The following ADCY2 variants were observed in gnomAD, a reference collection of about 807,000 sequenced individuals.
The protein encoded by ADCY2 is adenylate cyclase 2.
Under a neutral mutation model 125.2 loss-of-function variants are expected in ADCY2, and 31 were observed. That is an observed-to-expected ratio of 0.25 (90% confidence interval 0.19 to 0.33). ADCY2 has a LOEUF of 0.33. ADCY2 is among the 10% of genes least tolerant of loss of function. The pLI is 1.00. For synonymous variants in ADCY2, 512 were observed against 548.4 expected (o/e 0.93, Z 0.93); for missense variants, 904 against 1,418.2 (o/e 0.64, Z 5.82).
At chr5:7,445,152 C>CT (rs1277806622) in intron 2 of ADCY2, among the ~76,000 whole-genome samples, 1 of 152,182 alleles carries the variant, frequency 6.6e-6, no homozygotes, top group African/African-American at 2.4e-5. Context: ...TTTAGGAAGT[C>CT]TGTTTCCCCT....
intron 3 of ADCY2, among the ~76,000 whole-genome samples, chr5:7,556,821 T>C (rs1735521646): frequency 6.6e-6 from 1 of 152,016 alleles, no homozygotes; most frequent in Non-Finnish European, 1.5e-5. Flanking sequence ...CTTGTGATAA[T>C]CCAATACCTG....
intron 5 of ADCY2, among the ~76,000 whole-genome samples, chr5:7,693,406 GTTTTTTGTTTTTTTT>G (rs1279936920): frequency 3.4e-5 from 2 of 58,658 alleles, no homozygotes; most frequent in Non-Finnish European, 7.2e-5. Context: ...ATTGCCTGCT[GTTTTTTGTTTTTTTT>G]TTTTTTTTTT....
chr5:7,821,077 C>G (rs1219827062), intron 24 of ADCY2, among the ~76,000 whole-genome samples: 1 of 152,116 alleles, frequency 6.6e-6, no homozygotes, highest in Non-Finnish European at 1.5e-5. Context: ...TCACCTTCTT[C>G]TCTCAAGCTG....
intron 14 of ADCY2, 120 bp downstream of exon 14, chr5:7,727,381 G>C: frequency 1.3e-6 from 1 of 787,854 alleles, no homozygotes; most frequent in South Asian, 1.8e-5. Context: ...TTAATGTCAT[G>C]GTAAAGGGAG....
chr5:7,454,153 C>CT (rs1465607571), intron 2 of ADCY2, among the ~76,000 whole-genome samples: 1 of 152,174 alleles, frequency 6.6e-6, no homozygotes, highest in Non-Finnish European at 1.5e-5. Context: ...CAGCTGTCTT[C>CT]TGTAGCACCT....
chr5:7,600,730 G>A (rs1385588471), intron 3 of ADCY2, among the ~76,000 whole-genome samples: 2 of 152,150 alleles, frequency 1.3e-5, no homozygotes, highest in African/African-American at 2.4e-5. Flanking sequence ...CAGTGCAGGT[G>A]GTCACCAGGG....
intron 13 of ADCY2, among the ~76,000 whole-genome samples, chr5:7,725,448 T>G (rs1465746094): frequency 6.6e-6 from 1 of 152,152 alleles, no homozygotes; most frequent in Non-Finnish European, 1.5e-5. Context: ...CCAAAATCTA[T>G]GGACACACCA....
intron 4 of ADCY2, among the ~76,000 whole-genome samples, chr5:7,660,383 A>G (rs981196564): frequency 5.3e-5 from 8 of 152,188 alleles, no homozygotes; most frequent in African/African-American, 1.9e-4. Context: ...CATGGGCAGG[A>G]CAGGGTTGTT....
chr5:7,551,174 G>T (rs1265624515), intron 3 of ADCY2, among the ~76,000 whole-genome samples: 1 of 151,720 alleles, frequency 6.6e-6, no homozygotes, highest in Non-Finnish European at 1.5e-5. Context: ...GAGCTTCCTT[G>T]TCTTCAAAAA....
At chr5:7,581,530 A>G (rs1448470919) in intron 3 of ADCY2, among the ~76,000 whole-genome samples, 1 of 150,560 alleles carries the variant, frequency 6.6e-6, no homozygotes, top group Non-Finnish European at 1.5e-5. Context: ...AAGTAGAGAA[A>G]GAGAAACGGC....
At chr5:7,519,623 T>C (rs1744371390) in intron 2 of ADCY2, among the ~76,000 whole-genome samples, 1 of 152,240 alleles carries the variant, frequency 6.6e-6, no homozygotes, top group African/African-American at 2.4e-5. Context: ...TTCTTTTTCA[T>C]GCCAAACATT....
intron 1 of ADCY2, among the ~76,000 whole-genome samples, chr5:7,400,947 G>A (rs1739241354): frequency 6.6e-6 from 1 of 152,214 alleles, no homozygotes; most frequent in African/African-American, 2.4e-5. Context: ...TGAAATGTAT[G>A]ATTAAATATA....
chr5:7,506,940 A>G (rs1743843718), intron 2 of ADCY2, among the ~76,000 whole-genome samples: 1 of 149,176 alleles, frequency 6.7e-6, no homozygotes, highest in Admixed American at 6.7e-5. Context: ...GGCACCCGCC[A>G]CCATGCCCGG....
At chr5:7,777,283 G>T (rs1469127628) in intron 18 of ADCY2, among the ~76,000 whole-genome samples, 1 of 152,102 alleles carries the variant, frequency 6.6e-6, no homozygotes. Context: ...TATGGGCTGA[G>T]GACTTTAACA....
At chr5:7,467,522 T>C (rs752998044) in intron 2 of ADCY2, among the ~76,000 whole-genome samples, 1 of 152,230 alleles carries the variant, frequency 6.6e-6, no homozygotes, top group Non-Finnish European at 1.5e-5. Flanking sequence ...AGAGTTCTTA[T>C]GACTTTTTTA....
chr5:7,502,982 G>A (rs1333061216), intron 2 of ADCY2, among the ~76,000 whole-genome samples: 4 of 152,156 alleles, frequency 2.6e-5, no homozygotes, highest in Admixed American at 1.3e-4. Context: ...ACTCCCTGCG[G>A]ATAATCTGCA....
At chr5:7,762,014 A>G (rs921069512) in intron 16 of ADCY2, among the ~76,000 whole-genome samples, 1 of 152,182 alleles carries the variant, frequency 6.6e-6, no homozygotes, top group Non-Finnish European at 1.5e-5. Flanking sequence ...TAATACTTTT[A>G]ATGTGCCTTC....
chr5:7,683,482 C>T (rs1740406739), intron 4 of ADCY2, among the ~76,000 whole-genome samples: 1 of 152,210 alleles, frequency 6.6e-6, no homozygotes, highest in Admixed American at 6.5e-5. Context: ...GGGGGACTGC[C>T]ACTTTGCACC....
rs369123883 is a variant in ADCY2 at position 7,641,027 on chromosome 5, A to G, written c.720+14711A>G. On this transcript the variant is annotated intron_variant, in intron 4 of 24. Transcript: ENST00000338316. ...TTTGAGTAGAGAGATGAGAAATTTGAAAAGCTGATCTTACCCTATCTGTCT... is the reference window on the plus strand; with the variant it reads ...TTTGAGTAGAGAGATGAGAAATTTGGAAAGCTGATCTTACCCTATCTGTCT... Among the ~76,000 whole-genome samples, 57 of 152,320 alleles carry G rather than the reference A, an allele frequency of 3.7e-4. 2 individuals carry two copies. In the South Asian group the frequency reaches 0.01, roughly 28 times the overall value.
Sources: allele counts gnomAD v4.1 joint callset (sites outside exome capture counted in the v4.1 genomes callset), GRCh38; gene constraint gnomAD v4.1.1; transcripts MANE v1.5; gene names NCBI Gene and HGNC (gene_info 2026-07-23, HGNC 2026-07-21).